NGF: variants seen among roughly 807,000 people sequenced by gnomAD.
NGF encodes beta-nerve growth factor.
In NGF, 4 loss-of-function variants were observed where a neutral mutation model predicts 12.8. The ratio of observed to expected loss-of-function variants is 0.31; its 90% CI spans 0.15 to 0.72. NGF has a LOEUF of 0.72. Ranked by LOEUF, NGF falls within the 30% of genes least tolerant of loss-of-function variation. The pLI is 0.69. For synonymous variants in NGF, 140 were observed against 130.0 expected (o/e 1.08, Z -0.52); for missense variants, 283 against 330.8 (o/e 0.86, Z 1.12).
intron 2 of NGF, among the ~76,000 whole-genome samples, chr1:115,287,597 C>T (rs747876365): frequency 1.5e-4 from 23 of 152,140 alleles, no homozygotes; most frequent in Non-Finnish European, 3.2e-4. Context: ...GAAACTGATT[C>T]ACAGAAAATG....
chr1:115,318,077 C>T (rs994346249), intron 1 of NGF, among the ~76,000 whole-genome samples: 18 of 152,114 alleles, frequency 1.2e-4, no homozygotes, highest in South Asian at 2.1e-4. Context: ...TCTGGCCTTT[C>T]GATTCTCTCT....
At chr1:115,310,772 G>C (rs1466041224) in intron 1 of NGF, among the ~76,000 whole-genome samples, 2 of 148,392 alleles carry the variant, frequency 1.3e-5, no homozygotes, top group Non-Finnish European at 3.0e-5. Flanking sequence ...GACAGCTTTT[G>C]ATTATCTGTG....
chr1:115,336,996 A>G (rs955558989), intron 1 of NGF, among the ~76,000 whole-genome samples: 3 of 152,210 alleles, frequency 2.0e-5, no homozygotes, highest in Non-Finnish European at 4.4e-5. Context: ...AGAGGCACCC[A>G]GGAGAGCACT....
rs768283373 is a variant in NGF, at chr1:115,286,063, C to T, written c.*7G>A. On this transcript the variant is annotated 3_prime_UTR_variant, in exon 3 of 3. Coordinates refer to ENST00000369512, the MANE Select transcript of NGF (RefSeq NM_002506.3). The stretch of plus-strand genomic sequence containing the variant: ...GAAGGGGCAGGGGGAGGGAGCGTGT[C>T]GGCAGGTCAGGCTCTTCTCACAGCC... 6.8e-6 allele frequency: 11 copies of T among 1,612,262 alleles called. No individual in the cohort carries two copies. The highest frequency in any genetic ancestry group is 2.7e-5 in the African/African-American group (2 of 74,784).
intron 1 of NGF, among the ~76,000 whole-genome samples, chr1:115,307,692 A>G (rs369659298): frequency 2.9e-4 from 44 of 152,254 alleles, no homozygotes; most frequent in Admixed American, 6.5e-5. Context: ...TGATGTTTCA[A>G]TTTAGTCTAT....
At chr1:115,337,294 T>TAGAAGGAGG (rs1655152916) in intron 1 of NGF, among the ~76,000 whole-genome samples, 1 of 110,162 alleles carries the variant, frequency 9.1e-6, no homozygotes, top group Non-Finnish European at 1.9e-5. Flanking sequence ...TTTTTTTTTT[T>TAGAAGGAGG]TTTTTTTTTT....
chr1:115,330,816 T>A (rs1654901130), intron 1 of NGF, among the ~76,000 whole-genome samples: 1 of 152,202 alleles, frequency 6.6e-6, no homozygotes, highest in African/African-American at 2.4e-5. Context: ...ATTTTTTTTA[T>A]TCCTAAGAAT....
intron 1 of NGF, among the ~76,000 whole-genome samples, chr1:115,298,315 C>A (rs1010671684): frequency 5.3e-5 from 8 of 152,128 alleles, no homozygotes; most frequent in African/African-American, 1.9e-4. Flanking sequence ...GATTTTTTCC[C>A]CCCAAAAGAA....
chr1:115,336,573 C>T (rs973444507), intron 1 of NGF, among the ~76,000 whole-genome samples: 2 of 152,182 alleles, frequency 1.3e-5, no homozygotes, highest in Non-Finnish European at 1.5e-5. Flanking sequence ...CTCAGGTTGA[C>T]GTATGACTTA....
rs781065610 is a variant in NGF at position 115,286,799 on chromosome 1, G to A, written c.-4C>T. 4.3e-6 allele frequency: 7 copies of A among 1,613,972 alleles called. No individual in the cohort carries two copies. Among genetic ancestry groups the A allele is most frequent in the African/African-American group, 1.3e-5 (1 of 74,896 alleles). On this transcript the variant is annotated 5_prime_UTR_variant, in exon 3 of 3. Transcript: ENST00000369512. ...GAGTGTAGAACAACATGGACATTAC[G>A]CTATGCACCTGGAATGAAAAAGAAA...
chr1:115,292,884 A>G (rs577689102), intron 2 of NGF, among the ~76,000 whole-genome samples: 5 of 151,976 alleles, frequency 3.3e-5, no homozygotes, highest in South Asian at 2.1e-4. Flanking sequence ...TGAAATGCCC[A>G]TGATAGAAAT....
intron 1 of NGF, among the ~76,000 whole-genome samples, chr1:115,305,522 A>T (rs1238062397): frequency 6.6e-6 from 1 of 152,208 alleles, no homozygotes; most frequent in Non-Finnish European, 1.5e-5. Flanking sequence ...TATAGGTGGG[A>T]TTCTGTGCAT....
At chr1:115,315,483 G>A (rs4839435) in intron 1 of NGF, among the ~76,000 whole-genome samples, 19,421 of 152,090 alleles carry the variant, frequency 0.13, 2,490 homozygotes, top group African/African-American at 0.32. Context: ...CGAGGATGAC[G>A]CCAAGCTTTT....
At chr1:115,313,512 G>A (rs1032219306) in intron 1 of NGF, among the ~76,000 whole-genome samples, 5 of 152,096 alleles carry the variant, frequency 3.3e-5, no homozygotes, top group African/African-American at 1.2e-4. Context: ...TCACTTATGG[G>A]CACCAACCCA....
intron 1 of NGF, among the ~76,000 whole-genome samples, chr1:115,333,453 A>G (rs1654978799): frequency 7.5e-6 from 1 of 133,174 alleles, no homozygotes; most frequent in African/African-American, 2.9e-5. Context: ...CCAGTGGTGG[A>G]TTTTCAGGGA....
intron 1 of NGF, among the ~76,000 whole-genome samples, chr1:115,305,666 A>G (rs980208987): frequency 6.6e-6 from 1 of 152,208 alleles, no homozygotes; most frequent in African/African-American, 2.4e-5. Context: ...CTCCCTCCTC[A>G]TGAAGTAATC....
At chr1:115,333,611 T>C (rs894497574) in intron 1 of NGF, among the ~76,000 whole-genome samples, 3 of 150,972 alleles carry the variant, frequency 2.0e-5, no homozygotes, top group African/African-American at 7.3e-5. Context: ...CATCATCAGA[T>C]CAACCTCATT....
chr1:115,336,184 G>A (rs147738362), intron 1 of NGF, among the ~76,000 whole-genome samples: 3,387 of 152,224 alleles, frequency 0.022, 45 homozygotes, highest in Middle Eastern at 0.075. Flanking sequence ...CACCAATACC[G>A]GGATGACTGC....
In NGF at chr1:115,290,270, G is replaced by A. The variant is rs924208492; in HGVS notation, c.-13+3357C>T. Among the ~76,000 whole-genome samples the A allele has an allele frequency of 5.3e-5, 8 of 152,026 alleles. 1 individual carries two copies. Among genetic ancestry groups the A allele is most frequent in the Admixed American group, 4.6e-4 (7 of 15,276 alleles). ...AGGTATGCTCCCCTACCCTCTCAGGGCCTTTTCTGCTCTCCACCTCTGCTG... is the reference window on the plus strand; with the variant it reads ...AGGTATGCTCCCCTACCCTCTCAGGACCTTTTCTGCTCTCCACCTCTGCTG... On this transcript the variant is annotated intron_variant, in intron 2 of 2. Coordinates refer to ENST00000369512, the MANE Select transcript of NGF (RefSeq NM_002506.3).
Sources: gnomAD v4.1 joint callset for allele counts (sites outside exome capture counted in the v4.1 genomes callset) on GRCh38, gnomAD v4.1.1 for gene constraint, MANE v1.5 for transcripts, NCBI Gene and HGNC (gene_info 2026-07-23, HGNC 2026-07-21) for gene names.